CHD6: variants seen among roughly 807,000 people sequenced by gnomAD.
CHD6 encodes the protein chromodomain helicase DNA binding protein 6.
In CHD6, 50 loss-of-function variants were observed where a neutral mutation model predicts 276.9. That is an observed-to-expected ratio of 0.18 (90% CI 0.14 to 0.23). The LOEUF (loss-of-function observed/expected upper bound fraction) is 0.23. Among genes scored for constraint, CHD6 ranks in the 10% least tolerant of loss-of-function variants. The probability of loss-of-function intolerance (pLI) is 1.00; values close to 1 mark genes in which losing one functional copy is unlikely to be tolerated. For synonymous variants in CHD6, 1,173 were observed against 1,229.3 expected (o/e 0.95, Z 0.96); for missense variants, 2,564 against 3,365.8 (o/e 0.76, Z 5.89).
rs1241246581 is a variant in CHD6 at position 41,510,178 on chromosome 20, A to G, written c.852+2668T>C. On this transcript the variant is annotated intron_variant, in intron 5 of 36. Coordinates refer to ENST00000373233, the MANE Select transcript of CHD6 (RefSeq NM_032221.5). ...GGAAAAAGCCACCTCTTCTTCAATG[A>G]TTTTCTGTGCCACTGCATGTGCCTT... Among the ~76,000 whole-genome samples the G allele has an allele frequency of 3.3e-5, 5 of 152,142 alleles. 1 individual carries two copies. The South Asian group carries it at 1.0e-3, about 32-fold the overall frequency.
intron 1 of CHD6, among the ~76,000 whole-genome samples, chr20:41,617,088 C>G (rs1288222897): frequency 3.3e-5 from 5 of 152,104 alleles, no homozygotes; most frequent in Non-Finnish European, 7.4e-5. Context: ...TTTCAGACAT[C>G]CTGAAAACTG....
chr20:41,486,000 G>T (rs1449022287), intron 14 of CHD6: 1 of 151,906 alleles, frequency 6.6e-6, no homozygotes, highest in Non-Finnish European at 1.5e-5. Flanking sequence ...ATATTAAAAA[G>T]AAGTTTTGAT....
Position 41,498,229 on chromosome 20 carries a change from G to A in CHD6, c.916-3C>T. The stretch of plus-strand genomic sequence containing the variant: ...AACGGAGGTTCTCCTGGGTGAACCT[G>A]TAACAAACAGCAAGCAGTTATCAGC... On this transcript the variant is annotated splice_polypyrimidine_tract_variant and splice_region_variant and intron_variant, in intron 6 of 36. Transcript: ENST00000373233. 6.2e-7 allele frequency: 1 copy of A among 1,607,858 alleles called. No individual in the cohort carries two copies. Among genetic ancestry groups the A allele is most frequent in the South Asian group, 1.1e-5 (1 of 89,980 alleles).
At chr20:41,579,600 C>T (rs548538378) in intron 1 of CHD6, among the ~76,000 whole-genome samples, 25 of 152,098 alleles carry the variant, frequency 1.6e-4, no homozygotes, top group South Asian at 4.1e-4. Flanking sequence ...AAAGACTATA[C>T]GTGAGATGTT....
At chr20:41,597,098 T>C (rs962253131) in intron 1 of CHD6, among the ~76,000 whole-genome samples, 2 of 152,032 alleles carry the variant, frequency 1.3e-5, no homozygotes, top group South Asian at 4.2e-4. Flanking sequence ...GCAAAACAAA[T>C]GTTTCAAATG....
chr20:41,460,587 C>A (rs1243532385), intron 17 of CHD6, among the ~76,000 whole-genome samples: 1 of 152,222 alleles, frequency 6.6e-6, no homozygotes, highest in Admixed American at 6.5e-5. Flanking sequence ...GTGAAAGCAC[C>A]AAACCTTGGC....
At chr20:41,566,416 T>A (rs928682191) in intron 1 of CHD6, among the ~76,000 whole-genome samples, 1 of 152,024 alleles carries the variant, frequency 6.6e-6, no homozygotes, top group Non-Finnish European at 1.5e-5. Context: ...GTTTGTGTGG[T>A]GTAAAGCCTA....
intron 17 of CHD6, among the ~76,000 whole-genome samples, chr20:41,463,372 G>A (rs1390113814): frequency 1.3e-5 from 2 of 152,096 alleles, no homozygotes; most frequent in Non-Finnish European, 1.5e-5. Context: ...TGAGGAACAG[G>A]TACAGTTCCA....
Position 41,421,922 on chromosome 20 carries a change from G to A in CHD6, c.4713C>T (p.Leu1571=). Residue 1571 remains leucine (L), a synonymous_variant, in exon 31 of 37, where the codon CTC becomes CTT. Coordinates refer to ENST00000373233, the MANE Select transcript of CHD6 (RefSeq NM_032221.5). ...RLQLCRPSLY[L]PVWWECGKHD... is the part of the protein sequence containing the mutation. Reference sequence around the variant, plus strand: ...GCTTCCCACACTCCCACCAGACTGGGAGGTAGAGGCTGGGCCTGCACAGCT... The same window carrying A: ...GCTTCCCACACTCCCACCAGACTGGAAGGTAGAGGCTGGGCCTGCACAGCT... 1 of 1,614,242 alleles carries A rather than the reference G, an allele frequency of 6.2e-7. No individual in the cohort carries two copies. The highest frequency in any genetic ancestry group is 8.5e-7 in the Non-Finnish European group (1 of 1,180,036).
intron 3 of CHD6, among the ~76,000 whole-genome samples, 178 bp downstream of exon 3, chr20:41,532,872 A>T (rs942146660): frequency 3.9e-5 from 6 of 152,260 alleles, no homozygotes; most frequent in Admixed American, 1.3e-4. Context: ...CTCCAAGGAC[A>T]GCCCCTTGCA....
Position 41,553,769 on chromosome 20 carries a change from T to C in CHD6, c.-23-2409A>G, listed in dbSNP as rs539955819. 5.9e-5 allele frequency among the ~76,000 whole-genome samples: 9 copies of C among 152,376 alleles called. No individual in the cohort carries two copies. In the East Asian group the frequency reaches 7.7e-4, roughly 13 times the overall value. On this transcript the variant is annotated intron_variant, in intron 1 of 36. Transcript: ENST00000373233. Reference sequence around the variant, plus strand: ...TCTTTTGTCTCCGTGCTGACTTTTCTTTGTGGCACTGATTATTTCTAACAA... The same window carrying C: ...TCTTTTGTCTCCGTGCTGACTTTTCCTTGTGGCACTGATTATTTCTAACAA...
chr20:41,490,333 G>A (rs1353251323), intron 11 of CHD6, among the ~76,000 whole-genome samples: 1 of 152,058 alleles, frequency 6.6e-6, no homozygotes, highest in African/African-American at 2.4e-5. Context: ...AAACCTAGAT[G>A]GTATAGCCTA....
chr20:41,485,471 C>T (rs2043391008), intron 14 of CHD6: 1 of 152,128 alleles, frequency 6.6e-6, no homozygotes, highest in African/African-American at 2.4e-5. Context: ...GGGGTAGACT[C>T]TGCATAAACA....
chr20:41,558,469 G>A (rs1038909961), intron 1 of CHD6, among the ~76,000 whole-genome samples: 2 of 152,182 alleles, frequency 1.3e-5, no homozygotes, highest in Non-Finnish European at 2.9e-5. Flanking sequence ...GGAAGAAGAC[G>A]TAAATGACGA....
intron 3 of CHD6, among the ~76,000 whole-genome samples, chr20:41,521,872 A>G (rs2044407108): frequency 6.6e-6 from 1 of 152,382 alleles, no homozygotes. Context: ...TTCGTTGCCC[A>G]AAACTGAGAC....
chr20:41,562,430 A>T (rs2045311113), intron 1 of CHD6, among the ~76,000 whole-genome samples: 1 of 152,168 alleles, frequency 6.6e-6, no homozygotes, highest in Non-Finnish European at 1.5e-5. Context: ...TCATATATTC[A>T]AGCTCTGGCT....
chr20:41,527,785 C>T (rs1386000853), intron 3 of CHD6, among the ~76,000 whole-genome samples: 2 of 152,132 alleles, frequency 1.3e-5, no homozygotes, highest in African/African-American at 2.4e-5. Context: ...ACCTCATGTC[C>T]AATGCAGCAG....
chr20:41,533,600 C>A, intron 2 of CHD6, 30 bp from the exon 3 acceptor site: 1 of 1,547,588 alleles, frequency 6.5e-7, no homozygotes, highest in South Asian at 1.2e-5. Context: ...AAGCATATTA[C>A]CCTTCCAATT....
At chr20:41,509,503 T>C (rs1284245585) in intron 5 of CHD6, among the ~76,000 whole-genome samples, 1 of 152,100 alleles carries the variant, frequency 6.6e-6, no homozygotes, top group African/African-American at 2.4e-5. Flanking sequence ...AGCAAGGAAC[T>C]TTCGGGAGGA....
Sources: gnomAD v4.1 joint callset for allele counts (sites outside exome capture counted in the v4.1 genomes callset) on GRCh38, gnomAD v4.1.1 for gene constraint, MANE v1.5 for transcripts, NCBI Gene and HGNC (gene_info 2026-07-23, HGNC 2026-07-21) for gene names.